CEP68: variants seen among roughly 807,000 people sequenced by gnomAD.
CEP68 encodes centrosomal protein 68.
CEP68 carries 26 observed loss-of-function variants against 55.3 expected under a neutral mutation model. The ratio of observed to expected loss-of-function variants is 0.47; its 90% CI spans 0.34 to 0.65. CEP68 has a LOEUF of 0.65. Among genes scored for constraint, CEP68 ranks in the 30% least tolerant of loss-of-function variants. The probability of loss-of-function intolerance (pLI) is 0.01; values close to 1 mark genes in which losing one functional copy is unlikely to be tolerated. For missense variants in CEP68, 957 were observed against 946.7 expected (o/e 1.01, Z -0.14); for synonymous variants, 402 against 383.2 (o/e 1.05, Z -0.57).
chr2:65,064,619 AG>A (rs1676070062), intron 1 of CEP68, among the ~76,000 whole-genome samples: 2 of 151,958 alleles, frequency 1.3e-5, no homozygotes, highest in South Asian at 4.2e-4. Flanking sequence ...CTGTAGTCCC[AG>A]CTACTCGGGA....
intron 1 of CEP68, among the ~76,000 whole-genome samples, chr2:65,068,852 AAG>A (rs910021817): frequency 4.6e-5 from 7 of 152,068 alleles, no homozygotes; most frequent in Admixed American, 4.6e-4. Context: ...AAGAAAAGAA[AAG>A]AGAGGGTCCT....
At chr2:65,068,378 C>T (rs778098470) in intron 1 of CEP68, among the ~76,000 whole-genome samples, 1 of 152,192 alleles carries the variant, frequency 6.6e-6, no homozygotes, top group Non-Finnish European at 1.5e-5. Flanking sequence ...GAGTGCTCGG[C>T]CTGTGCTCCC....
At chr2:65,057,251 C>T (rs1385884027) in intron 1 of CEP68, among the ~76,000 whole-genome samples, 4 of 152,194 alleles carry the variant, frequency 2.6e-5, no homozygotes, top group Non-Finnish European at 4.4e-5. Context: ...TTCATCAGGA[C>T]CACGAAGGGA....
chr2:65,074,187 T>C, intron 3 of CEP68, 95 bp from the exon 4 acceptor site: 1 of 1,461,208 alleles, frequency 6.8e-7, no homozygotes, highest in Non-Finnish European at 9.4e-7. Context: ...AGGTGCACAG[T>C]CTGTCTCCAA....
intron 4 of CEP68, among the ~76,000 whole-genome samples, chr2:65,075,555 C>T (rs754751960): frequency 3.9e-5 from 6 of 152,152 alleles, no homozygotes; most frequent in Non-Finnish European, 7.4e-5. Flanking sequence ...AGGATGACTG[C>T]GTCCCAGTTT....
Position 65,074,531 on chromosome 2 carries a change from A to C in CEP68, c.2007+127A>C. 3.0e-6 allele frequency: 4 copies of C among 1,333,234 alleles called. No homozygotes were observed. In the South Asian group the frequency reaches 4.8e-5, roughly 16 times the overall value. The allele number at this position is 1,333,234 out of a possible 1,614,324, so 82.6% of individuals were successfully genotyped here. A position where few individuals can be genotyped will look rare whatever the true frequency, so the allele number is the denominator to read the frequency against. On this transcript the variant is annotated intron_variant, in intron 4 of 6. Coordinates refer to ENST00000377990, the MANE Select transcript of CEP68 (RefSeq NM_015147.3). ...AGCTCAGTTGACTATTATACCTGAA[A>C]TCTAATTAGAGCTTCACATTCTTAA...
chr2:65,071,407 G>C (rs1237944472), intron 2 of CEP68, 47 bp from the exon 3 acceptor site: 2 of 1,494,844 alleles, frequency 1.3e-6, no homozygotes, highest in South Asian at 1.2e-5. Flanking sequence ...GAAAGAAATT[G>C]GGTTTGATTT....
chr2:65,081,651 C>T (rs1668816084), intron 5 of CEP68, among the ~76,000 whole-genome samples: 1 of 152,228 alleles, frequency 6.6e-6, no homozygotes, highest in Non-Finnish European at 1.5e-5. Flanking sequence ...ACAATTCTGA[C>T]ACTGCGGGAG....
rs1668977812 is a variant in CEP68, at chr2:65,084,706, T to C, written c.*1072T>C. 1 of 152,208 alleles carries C rather than the reference T, an allele frequency of 6.6e-6. No homozygotes were observed. The highest frequency in any genetic ancestry group is 2.1e-4 in the South Asian group (1 of 4,830). The allele number at this position is 152,208 out of a possible 1,614,324, so 9.4% of individuals were successfully genotyped here. Reference sequence around the variant, plus strand: ...AACAATGGAAACTAAAGTCCTATTATTAATGTGACTTTTCTGCTTCAGAAT... The same window carrying C: ...AACAATGGAAACTAAAGTCCTATTACTAATGTGACTTTTCTGCTTCAGAAT... On this transcript the variant is annotated 3_prime_UTR_variant, in exon 7 of 7. Coordinates refer to ENST00000377990, the MANE Select transcript of CEP68 (RefSeq NM_015147.3).
chr2:65,074,410 A>G lies in CEP68; in HGVS notation c.2007+6A>G. ...CTTCTCTGCAGCTTTACCGGGTAAT[A>G]TGCGGTCCTGGCTCTGGCTTGTTCC... On this transcript the variant is annotated splice_donor_region_variant and intron_variant, in intron 4 of 6. Coordinates refer to ENST00000377990, the MANE Select transcript of CEP68 (RefSeq NM_015147.3). The G allele has an allele frequency of 6.2e-7, 1 of 1,614,128 alleles. No individual in the cohort carries two copies. The highest frequency in any genetic ancestry group is 8.5e-7 in the Non-Finnish European group (1 of 1,179,962).
chr2:65,073,555 CATCTG>C (rs902841283), intron 3 of CEP68: 6 of 162,852 alleles, frequency 3.7e-5, no homozygotes, highest in Middle Eastern at 3.2e-3. Context: ...CGGTGTCAGG[CATCTG>C]AATTTGAAAC....
At chr2:65,079,113 G>T (rs1412416801) in intron 5 of CEP68, among the ~76,000 whole-genome samples, 1 of 152,162 alleles carries the variant, frequency 6.6e-6, no homozygotes, top group East Asian at 1.9e-4. Flanking sequence ...TTACATTTTT[G>T]AGTGAGATGG....
chr2:65,066,310 G>A (rs1332454183), intron 1 of CEP68, among the ~76,000 whole-genome samples: 1 of 152,174 alleles, frequency 6.6e-6, no homozygotes, highest in Non-Finnish European at 1.5e-5. Context: ...AAAAGACATT[G>A]GACCGGCTGG....
At chr2:65,071,322 C>T in intron 2 of CEP68, 132 bp from the exon 3 acceptor site, 1 of 718,676 alleles carries the variant, frequency 1.4e-6, no homozygotes, top group Non-Finnish European at 2.3e-6. Context: ...TTGCCTCAGG[C>T]AGCAGACTTT....
At position 65,078,884 on chromosome 2, in the gene CEP68, A is replaced by G. The variant is rs185644539; in HGVS notation, c.2104+920A>G. On this transcript the variant is annotated intron_variant, in intron 5 of 6. Coordinates refer to ENST00000377990, the MANE Select transcript of CEP68 (RefSeq NM_015147.3). ...GTAGGATGGGTTCCCCATTTAGGAA[A>G]GTGAAAATCACAGACCTCAGGCATG... Among the ~76,000 whole-genome samples, 3 of 152,342 alleles carry G rather than the reference A, an allele frequency of 2.0e-5. No individual in the cohort carries two copies. In the East Asian group the frequency reaches 5.8e-4, roughly 29 times the overall value.
intron 1 of CEP68, among the ~76,000 whole-genome samples, 171 bp downstream of exon 1, chr2:65,056,699 A>C (rs1014442555): frequency 6.6e-6 from 1 of 151,922 alleles, no homozygotes; most frequent in African/African-American, 2.4e-5. Context: ...CGGCAAGGGC[A>C]CAAAGGCTCC....
intron 1 of CEP68, among the ~76,000 whole-genome samples, chr2:65,058,600 G>C (rs2723081): frequency 0.12 from 16,458 of 134,292 alleles, 1,006 homozygotes; most frequent in Middle Eastern, 0.18. Context: ...TCTTCCTCCC[G>C]GGTTCAAGCA....
chr2:65,075,744 T>G (rs1676729384), intron 4 of CEP68, among the ~76,000 whole-genome samples: 1 of 152,222 alleles, frequency 6.6e-6, no homozygotes, highest in Non-Finnish European at 1.5e-5. Context: ...AGCAGAGGGA[T>G]ATCCATGGTC....
intron 5 of CEP68, among the ~76,000 whole-genome samples, chr2:65,081,541 C>A (rs1473858895): frequency 6.6e-6 from 1 of 152,142 alleles, no homozygotes; most frequent in Non-Finnish European, 1.5e-5. Context: ...ACTAAGACAG[C>A]CTTTGTGCTT....
Sources: allele counts gnomAD v4.1 joint callset (sites outside exome capture counted in the v4.1 genomes callset), GRCh38; gene constraint gnomAD v4.1.1; transcripts MANE v1.5; gene names NCBI Gene and HGNC (gene_info 2026-07-23, HGNC 2026-07-21).